Variants in TTC39B observed in about 807,000 individuals in gnomAD.
TTC39B encodes the protein tetratricopeptide repeat domain 39B.
In TTC39B, 92 loss-of-function variants were observed where a neutral mutation model predicts 96.6. The observed-to-expected ratio is 0.95, with a 90% confidence interval of 0.80 to 1.13. The LOEUF is 1.13. Among genes scored for constraint, TTC39B ranks in the 50% most tolerant of loss-of-function variants. TTC39B has a pLI of 0.00. For missense variants in TTC39B, 955 were observed against 809.3 expected (o/e 1.18, Z -2.18); for synonymous variants, 367 against 299.4 (o/e 1.23, Z -2.33).
chr9:15,220,578 T>C (rs932753206), intron 3 of TTC39B, among the ~76,000 whole-genome samples: 19 of 152,092 alleles, frequency 1.2e-4, no homozygotes, highest in Non-Finnish European at 2.8e-4. Flanking sequence ...TGCAAATACA[T>C]AATGCAATAA....
At chr9:15,166,190 T>C (rs538330702) in exon 20 of TTC39B, 2 of 152,224 alleles carry the variant, frequency 1.3e-5, no homozygotes, top group Admixed American at 6.5e-5. Context: ...TTTCACATAA[T>C]GAAGTTTGTT....
At chr9:15,220,102 A>G (rs1820762689) in intron 3 of TTC39B, among the ~76,000 whole-genome samples, 1 of 152,250 alleles carries the variant, frequency 6.6e-6, no homozygotes, top group African/African-American at 2.4e-5. Flanking sequence ...CTGTATGCAC[A>G]GAATGATGGG....
intron 2 of TTC39B, among the ~76,000 whole-genome samples, chr9:15,237,994 A>G (rs1429713710): frequency 6.6e-6 from 1 of 152,142 alleles, no homozygotes; most frequent in East Asian, 1.9e-4. Context: ...ATGCAAATCA[A>G]TAAACTAAAA....
chr9:15,182,355 T>C (rs1363934068), exon 17 of TTC39B: 2 of 1,612,534 alleles, frequency 1.2e-6, no homozygotes, highest in South Asian at 2.2e-5. Flanking sequence ...ACTAACAGAT[T>C]TTCAGAAAGG....
intron 6 of TTC39B, among the ~76,000 whole-genome samples, chr9:15,207,100 T>C (rs1178291717): frequency 6.6e-6 from 1 of 152,220 alleles, no homozygotes; most frequent in Non-Finnish European, 1.5e-5. Flanking sequence ...GCCATGACTT[T>C]AAGTTTCCTG....
chr9:15,234,620 G>A (rs898057258), intron 2 of TTC39B, among the ~76,000 whole-genome samples: 7 of 152,106 alleles, frequency 4.6e-5, no homozygotes, highest in African/African-American at 1.7e-4. Context: ...TTGAGAAATC[G>A]GATGGTTGCC....
intron 3 of TTC39B, among the ~76,000 whole-genome samples, chr9:15,220,743 T>G (rs955347516): frequency 6.6e-6 from 1 of 152,102 alleles, no homozygotes; most frequent in Non-Finnish European, 1.5e-5. Flanking sequence ...GTATAACCAG[T>G]TCCCCTAGAT....
At chr9:15,171,464 G>C (rs1045202100) in exon 20 of TTC39B, 2 of 152,112 alleles carry the variant, frequency 1.3e-5, no homozygotes, top group African/African-American at 4.8e-5. Context: ...ATCCTTTATA[G>C]AGAAAGGTCT....
chr9:15,190,967 T>C (rs534820688), intron 10 of TTC39B, among the ~76,000 whole-genome samples: 4 of 152,226 alleles, frequency 2.6e-5, no homozygotes, highest in African/African-American at 4.8e-5. Flanking sequence ...TAATTTTTCA[T>C]CCAAGAATTT....
Position 15,225,911 on chromosome 9 carries a change from C to T in TTC39B, c.371+6G>A. ...TCCCCCAGGAATGCCCACAACCCTTCCTGACCTGCTGACAGTAGACGCTCC... is the reference window on the plus strand; with the variant it reads ...TCCCCCAGGAATGCCCACAACCCTTTCTGACCTGCTGACAGTAGACGCTCC... On this transcript the variant is annotated splice_donor_region_variant and intron_variant, in intron 3 of 19. Coordinates refer to ENST00000512701, the Ensembl canonical transcript of TTC39B. The T allele has an allele frequency of 6.2e-7, 1 of 1,613,250 alleles. No individual in the cohort carries two copies. Among genetic ancestry groups the T allele is most frequent in the Non-Finnish European group, 8.5e-7 (1 of 1,179,528 alleles).
chr9:15,249,907 G>A, intron 2 of TTC39B: 1 of 1,259,912 alleles, frequency 7.9e-7, no homozygotes, highest in Non-Finnish European at 1.0e-6. Context: ...AAATAAATAT[G>A]ACATACTCAC....
At chr9:15,180,775 A>T (rs1818208897) in intron 17 of TTC39B, among the ~76,000 whole-genome samples, 1 of 152,200 alleles carries the variant, frequency 6.6e-6, no homozygotes, top group Non-Finnish European at 1.5e-5. Flanking sequence ...TCAAGGTGGG[A>T]AGGAGAACAG....
chr9:15,285,256 A>C (rs2616750), intron 1 of TTC39B, among the ~76,000 whole-genome samples: 9 of 150,754 alleles, frequency 6.0e-5, no homozygotes, highest in Admixed American at 2.0e-4. Context: ...GCGACAGAGC[A>C]AGACTCCGTC....
intron 2 of TTC39B, among the ~76,000 whole-genome samples, chr9:15,241,717 T>G (rs1822047494): frequency 6.6e-6 from 1 of 151,840 alleles, no homozygotes; most frequent in Non-Finnish European, 1.5e-5. Flanking sequence ...AATAGTAATC[T>G]TTCGTAAGTT....
chr9:15,211,046 T>TC (rs1000013287), intron 5 of TTC39B, among the ~76,000 whole-genome samples: 7 of 126,614 alleles, frequency 5.5e-5, no homozygotes, highest in African/African-American at 1.2e-4. Context: ...CCCCCCGAAA[T>TC]CCCCCCCAGA....
chr9:15,194,813 A>G lies in TTC39B; in HGVS notation c.825-2118T>C, dbSNP rs1417503097. Among the ~76,000 whole-genome samples, 3 of 152,274 alleles carry G rather than the reference A, an allele frequency of 2.0e-5. 1 individual carries two copies. Among genetic ancestry groups the G allele is most frequent in the Middle Eastern group, 6.8e-3 (2 of 294 alleles). The stretch of plus-strand genomic sequence containing the variant: ...CTGAACCACACCCATATAAGAGCGA[A>G]AGTTATCAATAAATGTTGTGTGTGT... On this transcript the variant is annotated intron_variant, in intron 8 of 19. Coordinates refer to ENST00000512701, the Ensembl canonical transcript of TTC39B.
intron 2 of TTC39B, among the ~76,000 whole-genome samples, chr9:15,242,061 T>G (rs1226080165): frequency 6.6e-6 from 1 of 152,130 alleles, no homozygotes; most frequent in Non-Finnish European, 1.5e-5. Flanking sequence ...AACTCTGACT[T>G]AAAAATATAA....
intron 6 of TTC39B, 81 bp from the exon 7 acceptor site, chr9:15,203,971 A>G (rs1819695668): frequency 3.0e-6 from 4 of 1,342,854 alleles, no homozygotes; most frequent in Non-Finnish European, 4.1e-6. Context: ...AAAGACTGGC[A>G]GAAAAATGAA....
chr9:15,203,970 C>T, intron 6 of TTC39B, 80 bp from the exon 7 acceptor site: 2 of 1,348,368 alleles, frequency 1.5e-6, no homozygotes, highest in Non-Finnish European at 2.0e-6. Flanking sequence ...GAAAGACTGG[C>T]AGAAAAATGA....
Sources: gnomAD v4.1 joint callset for allele counts (sites outside exome capture counted in the v4.1 genomes callset) on GRCh38, gnomAD v4.1.1 for gene constraint, MANE v1.5 for transcripts, NCBI Gene and HGNC (gene_info 2026-07-23, HGNC 2026-07-21) for gene names.